The following HRH1 variants were observed in gnomAD, a reference collection of about 807,000 sequenced individuals.
The protein encoded by HRH1 is histamine H1 receptor.
Under a neutral mutation model 10.3 loss-of-function variants are expected in HRH1, and 6 were observed. The observed-to-expected ratio is 0.58, with a 90% CI of 0.32 to 1.15. The LOEUF is 1.15. Among genes scored for constraint, HRH1 ranks in the 50% most tolerant of loss-of-function variants. HRH1 has a pLI of 0.05. For missense variants in HRH1, 514 were observed against 615.3 expected (o/e 0.84, Z 1.74); for synonymous variants, 242 against 236.7 (o/e 1.02, Z -0.21).
intron 1 of HRH1, among the ~76,000 whole-genome samples, chr3:11,176,816 A>G (rs1937256958): frequency 6.6e-6 from 1 of 152,214 alleles, no homozygotes; most frequent in South Asian, 2.1e-4. Flanking sequence ...TAGTAGGCTG[A>G]GCATAGTGGC....
intron 1 of HRH1, among the ~76,000 whole-genome samples, chr3:11,239,128 G>A (rs2152578698): frequency 6.6e-6 from 1 of 152,276 alleles, no homozygotes; most frequent in Non-Finnish European, 1.5e-5. Context: ...ATTTCCACCA[G>A]CAGTGTTTCA....
intron 1 of HRH1, among the ~76,000 whole-genome samples, chr3:11,186,033 C>A (rs1267235035): frequency 6.6e-6 from 1 of 152,136 alleles, no homozygotes; most frequent in Non-Finnish European, 1.5e-5. Flanking sequence ...TCCTGCTCTG[C>A]CGAGAATTCC....
chr3:11,180,400 C>T (rs570956804), intron 1 of HRH1, among the ~76,000 whole-genome samples: 1 of 152,108 alleles, frequency 6.6e-6, no homozygotes. Context: ...TCGTAAGGAG[C>T]GTGCAACCTA....
chr3:11,162,066 C>T (rs1030825361), intron 1 of HRH1, among the ~76,000 whole-genome samples: 2 of 152,198 alleles, frequency 1.3e-5, no homozygotes, highest in Non-Finnish European at 2.9e-5. Flanking sequence ...CACTCAGGTA[C>T]AGGCAGTGCT....
At chr3:11,215,568 G>A (rs1205242896) in intron 1 of HRH1, among the ~76,000 whole-genome samples, 8 of 152,156 alleles carry the variant, frequency 5.3e-5, no homozygotes, top group Admixed American at 1.3e-4. Flanking sequence ...AGCCTCCCAA[G>A]TAGCTGGGAC....
chr3:11,181,921 A>G (rs1487661802), intron 1 of HRH1, among the ~76,000 whole-genome samples: 10 of 150,698 alleles, frequency 6.6e-5, no homozygotes, highest in Admixed American at 4.0e-4. Flanking sequence ...ATGAGCCACC[A>G]CGCCTGGCCC....
intron 1 of HRH1, among the ~76,000 whole-genome samples, chr3:11,220,273 AC>A (rs1938663405): frequency 6.6e-6 from 1 of 152,090 alleles, no homozygotes; most frequent in Admixed American, 6.6e-5. Flanking sequence ...GGTCTAAGAA[AC>A]CCCAAGTGCC....
intron 1 of HRH1, among the ~76,000 whole-genome samples, chr3:11,219,959 T>G (rs917475421): frequency 5.3e-5 from 8 of 150,640 alleles, no homozygotes; most frequent in Non-Finnish European, 8.9e-5. Context: ...TGTTTTTTTT[T>G]TTTTTTTTTT....
intron 1 of HRH1, among the ~76,000 whole-genome samples, chr3:11,188,826 A>T (rs1423686579): frequency 6.6e-6 from 1 of 152,222 alleles, no homozygotes; most frequent in East Asian, 1.9e-4. Context: ...CCAAAACGGC[A>T]TCATCCTAAT....
chr3:11,139,598 G>T (rs1224980522), intron 1 of HRH1, among the ~76,000 whole-genome samples: 4 of 151,974 alleles, frequency 2.6e-5, no homozygotes, highest in Non-Finnish European at 5.9e-5. Context: ...ACAGCCAGTG[G>T]ATATAACCCA....
At position 11,259,116 on chromosome 3, in the gene HRH1, C is replaced by T. The variant is rs1253861313; in HGVS notation, c.79C>T (p.Leu27=). The T allele has an allele frequency of 2.5e-6, 4 of 1,614,140 alleles. No individual in the cohort carries two copies. In the East Asian group the frequency reaches 6.7e-5, roughly 27 times the overall value. Residue 27 remains leucine, a synonymous_variant, in exon 2 of 2, where the codon CTG becomes TTG. Coordinates refer to ENST00000431010, the MANE Select transcript of HRH1 (RefSeq NM_001098212.2). The surrounding 1 kb of genome is among the most constrained non-coding windows in gnomAD (Gnocchi z 4.6). Reference sequence around the variant, plus strand: ...CAAGACCACTATGGCCAGCCCCCAGCTGATGCCCCTGGTGGTGGTCCTGAG... The same window carrying T: ...CAAGACCACTATGGCCAGCCCCCAGTTGATGCCCCTGGTGGTGGTCCTGAG... ...GNKTTMASPQ[L]MPLVVVLSTI... is the part of the protein sequence containing the mutation.
At chr3:11,201,434 G>C (rs1575006698) in intron 1 of HRH1, among the ~76,000 whole-genome samples, 1 of 152,198 alleles carries the variant, frequency 6.6e-6, no homozygotes, top group Non-Finnish European at 1.5e-5. Context: ...GAGCAAAGCA[G>C]AGAGACTAGA....
chr3:11,180,090 A>G (rs1392649352), intron 1 of HRH1, among the ~76,000 whole-genome samples: 4 of 152,116 alleles, frequency 2.6e-5, no homozygotes, highest in Admixed American at 2.6e-4. Context: ...TGGCCTTATT[A>G]AGATGTAATT....
intron 1 of HRH1, among the ~76,000 whole-genome samples, chr3:11,223,536 C>T (rs566035916): frequency 5.9e-5 from 9 of 152,182 alleles, no homozygotes; most frequent in South Asian, 2.1e-4. Flanking sequence ...CAGAGCTCTC[C>T]GAATTTCAAC....
intron 1 of HRH1, among the ~76,000 whole-genome samples, chr3:11,165,297 T>G (rs1394664810): frequency 6.6e-6 from 1 of 152,206 alleles, no homozygotes; most frequent in Non-Finnish European, 1.5e-5. Flanking sequence ...TATCTCACAT[T>G]GCAATCATCC....
chr3:11,254,890 CTA>C (rs921887523), intron 1 of HRH1, among the ~76,000 whole-genome samples: 2 of 152,232 alleles, frequency 1.3e-5, no homozygotes, highest in Non-Finnish European at 2.9e-5. Context: ...AATGCAGTTC[CTA>C]GCACTTCTGT....
intron 1 of HRH1, among the ~76,000 whole-genome samples, chr3:11,248,813 A>G (rs566937781): frequency 6.6e-6 from 1 of 152,292 alleles, no homozygotes; most frequent in South Asian, 2.1e-4. Flanking sequence ...TGCATGACTC[A>G]TTACACCAGG....
intron 1 of HRH1, among the ~76,000 whole-genome samples, chr3:11,241,207 G>A (rs1939327337): frequency 6.6e-6 from 1 of 152,148 alleles, no homozygotes; most frequent in Admixed American, 6.5e-5. Context: ...CATGGTTGAT[G>A]TAACATAACA....
intron 1 of HRH1, among the ~76,000 whole-genome samples, chr3:11,242,412 G>T (rs993353568): frequency 7.3e-6 from 1 of 137,250 alleles, no homozygotes; most frequent in Non-Finnish European, 1.5e-5. Flanking sequence ...AACCTGGAAG[G>T]CAGAGCTTGC....
Sources: allele counts gnomAD v4.1 joint callset (sites outside exome capture counted in the v4.1 genomes callset), GRCh38; gene constraint gnomAD v4.1.1; non-coding constraint Gnocchi (gnomAD v3.1); transcripts MANE v1.5; gene names NCBI Gene and HGNC (gene_info 2026-07-23, HGNC 2026-07-21).